NRG2: variants seen among roughly 807,000 people sequenced by gnomAD.
NRG2 encodes neuregulin 2.
A neutral mutation model predicts 73.9 loss-of-function variants in NRG2; 27 were observed. That is an observed-to-expected ratio of 0.37 (90% CI 0.27 to 0.50). The LOEUF (loss-of-function observed/expected upper bound fraction) is 0.50, where lower values mean the gene tolerates loss of function less well. NRG2 is among the 20% of genes least tolerant of loss of function. The pLI is 0.96. For missense variants in NRG2, 1,126 were observed against 1,210.1 expected, an observed-to-expected ratio of 0.93 and a Z score of 1.03; for synonymous variants, 532 against 541.0, an observed-to-expected ratio of 0.98 and a Z score of 0.23.
intron 3 of NRG2, among the ~76,000 whole-genome samples, chr5:139,874,292 C>T (rs1481744326): frequency 2.0e-5 from 3 of 152,212 alleles, no homozygotes; most frequent in Admixed American, 6.5e-5. Flanking sequence ...TGGACTCTCC[C>T]TTTACACCTC....
chr5:139,961,506 G>T (rs557793818), intron 1 of NRG2, among the ~76,000 whole-genome samples: 1 of 152,286 alleles, frequency 6.6e-6, no homozygotes, highest in Admixed American at 6.5e-5. Flanking sequence ...ATTCTTCAAG[G>T]CCAGGCCCTC....
At chr5:140,037,036 G>T (rs1015407541) in intron 1 of NRG2, among the ~76,000 whole-genome samples, 1 of 152,126 alleles carries the variant, frequency 6.6e-6, no homozygotes, top group Non-Finnish European at 1.5e-5. Flanking sequence ...TACTTTAAAC[G>T]TACTTCAGAA....
chr5:139,855,814 G>A (rs1761772135), intron 5 of NRG2, 36 bp from the exon 6 acceptor site: 4 of 1,524,028 alleles, frequency 2.6e-6, no homozygotes, highest in Non-Finnish European at 3.6e-6. Flanking sequence ...GGTGGGGCAG[G>A]AGGCAAACCC....
chr5:139,855,374 A>C (rs1450770497), intron 6 of NRG2, among the ~76,000 whole-genome samples: 1 of 152,350 alleles, frequency 6.6e-6, no homozygotes, highest in South Asian at 2.1e-4. Flanking sequence ...AATTTGCTCA[A>C]GGTTACATGG....
At chr5:139,886,414 C>T (rs868799685) in intron 2 of NRG2, among the ~76,000 whole-genome samples, 7 of 152,112 alleles carry the variant, frequency 4.6e-5, no homozygotes, top group African/African-American at 1.4e-4. Flanking sequence ...CTAAAACCAT[C>T]CTAATTTGCA....
At chr5:139,984,554 G>T (rs1188486608) in intron 1 of NRG2, among the ~76,000 whole-genome samples, 1 of 152,202 alleles carries the variant, frequency 6.6e-6, no homozygotes, top group East Asian at 1.9e-4. Flanking sequence ...CTTCAGAATG[G>T]AGAGGTTGCA....
At chr5:139,942,507 C>G (rs1218828534) in intron 1 of NRG2, among the ~76,000 whole-genome samples, 3 of 152,164 alleles carry the variant, frequency 2.0e-5, no homozygotes, top group Non-Finnish European at 4.4e-5. Flanking sequence ...AGTTATTCTA[C>G]ACTATTCTTA....
intron 1 of NRG2, among the ~76,000 whole-genome samples, chr5:140,035,852 C>T (rs1406666028): frequency 1.3e-5 from 2 of 152,038 alleles, no homozygotes; most frequent in African/African-American, 4.8e-5. Flanking sequence ...GAATGATAAA[C>T]AGAACCACTG....
At chr5:139,941,242 A>C (rs1374235518) in intron 1 of NRG2, among the ~76,000 whole-genome samples, 2 of 152,336 alleles carry the variant, frequency 1.3e-5, no homozygotes, top group South Asian at 2.1e-4. Context: ...AAGGCAAAAA[A>C]TCAAACATTT....
intron 1 of NRG2, among the ~76,000 whole-genome samples, chr5:139,970,850 C>T (rs1216585762): frequency 6.6e-6 from 1 of 152,202 alleles, no homozygotes; most frequent in East Asian, 1.9e-4. Flanking sequence ...TGTGTAAAAC[C>T]TGCTGGGAAT....
intron 1 of NRG2, among the ~76,000 whole-genome samples, chr5:139,973,443 G>A (rs567110191): frequency 6.6e-6 from 1 of 152,080 alleles, no homozygotes; most frequent in Non-Finnish European, 1.5e-5. Flanking sequence ...CTGCAGCTCA[G>A]CTGCACCTCT....
At chr5:139,998,550 C>T (rs1246629362) in intron 1 of NRG2, among the ~76,000 whole-genome samples, 1 of 152,142 alleles carries the variant, frequency 6.6e-6, no homozygotes, top group Non-Finnish European at 1.5e-5. Context: ...TGCCTCACGC[C>T]TTCTACTGTT....
rs1762769180 is a variant in NRG2 at position 139,870,486 on chromosome 5, A to C, written c.1112+1235T>G. 6.6e-6 allele frequency among the ~76,000 whole-genome samples: 1 copy of C among 152,168 alleles called. No homozygotes were observed. Among genetic ancestry groups the C allele is most frequent in the African/African-American group, 2.4e-5 (1 of 41,450 alleles). On this transcript the variant is annotated intron_variant, in intron 4 of 9. Transcript: ENST00000361474. The surrounding 1 kb of genome is among the most constrained non-coding windows in gnomAD (Gnocchi z 4.4). ...CAGACCAGGCTCACATTCCCGGGCA[A>C]GGGTGTGCCCAGGAAGGGGGCTGTG... is the stretch of plus-strand genomic sequence containing the variant.
At position 139,954,977 on chromosome 5, in the gene NRG2, G is replaced by A. The variant is rs1754508347; in HGVS notation, c.701-67466C>T. Reference sequence around the variant, plus strand: ...CTGTGTCCCTGACCTGCCCACTCACGATTGTCATCACCCTTCTTCTTGCAT... The same window carrying A: ...CTGTGTCCCTGACCTGCCCACTCACAATTGTCATCACCCTTCTTCTTGCAT... On this transcript the variant is annotated intron_variant, in intron 1 of 9. Coordinates refer to ENST00000361474, the MANE Select transcript of NRG2 (RefSeq NM_004883.3). This position sits in a 1 kb window ranked among gnomAD's most constrained non-coding sequence, Gnocchi z 5.0. Among the ~76,000 whole-genome samples, 1 of 152,272 alleles carries A rather than the reference G, an allele frequency of 6.6e-6. No individual in the cohort carries two copies. The highest frequency in any genetic ancestry group is 1.5e-5 in the Non-Finnish European group (1 of 68,030).
intron 1 of NRG2, among the ~76,000 whole-genome samples, chr5:139,966,691 A>G (rs1161442262): frequency 1.3e-5 from 2 of 151,382 alleles, no homozygotes; most frequent in African/African-American, 4.8e-5. Flanking sequence ...TGGCATGGTC[A>G]GGGGTGATGA....
At chr5:139,882,201 G>T (rs1763566644) in intron 2 of NRG2, among the ~76,000 whole-genome samples, 1 of 152,148 alleles carries the variant, frequency 6.6e-6, no homozygotes, top group South Asian at 2.1e-4. Flanking sequence ...GTAAAACTGA[G>T]CTATGGAGCT....
At chr5:139,888,570 C>T (rs1330917999) in intron 1 of NRG2, among the ~76,000 whole-genome samples, 1 of 152,148 alleles carries the variant, frequency 6.6e-6, no homozygotes, top group East Asian at 1.9e-4. Flanking sequence ...TCCCTAGCAA[C>T]TCAGAGTGCT....
chr5:139,956,078 G>A (rs1471845865), intron 1 of NRG2, among the ~76,000 whole-genome samples: 3 of 152,198 alleles, frequency 2.0e-5, no homozygotes, highest in African/African-American at 4.8e-5. Context: ...AGGCTCTGGA[G>A]GCTGGTGAAG....
intron 1 of NRG2, among the ~76,000 whole-genome samples, chr5:139,893,495 C>G (rs917116694): frequency 6.6e-6 from 1 of 152,186 alleles, no homozygotes; most frequent in African/African-American, 2.4e-5. Context: ...GTTCCCAGCA[C>G]TCTGCACCCA....
Sources: allele counts gnomAD v4.1 joint callset (sites outside exome capture counted in the v4.1 genomes callset), GRCh38; gene constraint gnomAD v4.1.1; non-coding constraint Gnocchi (gnomAD v3.1); transcripts MANE v1.5; gene names NCBI Gene and HGNC (gene_info 2026-07-23, HGNC 2026-07-21).